Variants in TMTC1 observed in about 807,000 individuals in gnomAD.
TMTC1 encodes the protein protein O-mannosyl-transferase TMTC1.
TMTC1 carries 73 observed loss-of-function variants against 104.8 expected under a neutral mutation model. The observed-to-expected ratio is 0.70, with a 90% CI of 0.58 to 0.85. The LOEUF is 0.85. Among genes scored for constraint, TMTC1 ranks in the 40% least tolerant of loss-of-function variants. TMTC1 has a pLI of 0.00. For missense variants in TMTC1, 1,035 were observed against 1,096.1 expected (o/e 0.94, Z 0.79); for synonymous variants, 434 against 428.7 (o/e 1.01, Z -0.15).
At chr12:29,616,702 G>A (rs550593330) in intron 6 of TMTC1, among the ~76,000 whole-genome samples, 9 of 148,222 alleles carry the variant, frequency 6.1e-5, no homozygotes, top group Non-Finnish European at 1.3e-4. Context: ...ATTTTCTGCT[G>A]TTCAGCCCTT....
chr12:29,526,695 C>T (rs879496492), intron 11 of TMTC1, among the ~76,000 whole-genome samples: 41 of 152,070 alleles, frequency 2.7e-4, no homozygotes, highest in Non-Finnish European at 5.1e-4. Context: ...TAGGATTTTA[C>T]TTCTTTATCA....
At chr12:29,694,253 T>G (rs11050386) in intron 5 of TMTC1, among the ~76,000 whole-genome samples, 4,891 of 152,284 alleles carry the variant, frequency 0.032, 284 homozygotes, top group African/African-American at 0.11. Flanking sequence ...ATTTGCATCA[T>G]TAACACATAA....
intron 7 of TMTC1, among the ~76,000 whole-genome samples, chr12:29,586,806 GC>G (rs1565690123): frequency 1.3e-5 from 2 of 150,100 alleles, no homozygotes; most frequent in African/African-American, 5.0e-5. Flanking sequence ...TGGTGGATAA[GC>G]TTTTTGATGT....
Position 29,506,721 on chromosome 12 carries a change from C to T in TMTC1, c.*125G>A, listed in dbSNP as rs1592140913. ...TACCAGCAGATGTCCCAAAATGTGT[C>T]ACCCTGAACTCGGAATGAGAGAAAA... On this transcript the variant is annotated 3_prime_UTR_variant, in exon 18 of 18. Transcript: ENST00000539277. The T allele has an allele frequency of 7.9e-7, 1 of 1,263,270 alleles. No homozygotes were observed. Among genetic ancestry groups the T allele is most frequent in the African/African-American group, 1.5e-5 (1 of 67,584 alleles). The allele number at this position is 1,263,270 out of a possible 1,614,324, so 78.3% of individuals were successfully genotyped here.
At chr12:29,553,760 T>C (rs541922557) in intron 10 of TMTC1, among the ~76,000 whole-genome samples, 1 of 152,326 alleles carries the variant, frequency 6.6e-6, no homozygotes, top group East Asian at 1.9e-4. Context: ...AATGCATTTT[T>C]AACTCACATG....
chr12:29,603,818 A>T (rs1272349202), intron 7 of TMTC1, among the ~76,000 whole-genome samples: 1 of 152,244 alleles, frequency 6.6e-6, no homozygotes, highest in Non-Finnish European at 1.5e-5. Flanking sequence ...TGAACATAAT[A>T]CTTTTATGCA....
intron 5 of TMTC1, among the ~76,000 whole-genome samples, chr12:29,646,630 A>G (rs1939278761): frequency 6.6e-6 from 1 of 152,168 alleles, no homozygotes; most frequent in Non-Finnish European, 1.5e-5. Flanking sequence ...CTTGTGACAA[A>G]TTAAATAAAT....
chr12:29,716,002 T>C (rs1045286424), intron 5 of TMTC1, among the ~76,000 whole-genome samples: 2 of 144,372 alleles, frequency 1.4e-5, no homozygotes, highest in African/African-American at 5.3e-5. Flanking sequence ...ATTATTATTA[T>C]TATTATTATT....
At chr12:29,597,584 C>T (rs1007726657) in intron 7 of TMTC1, among the ~76,000 whole-genome samples, 13 of 151,240 alleles carry the variant, frequency 8.6e-5, no homozygotes, top group South Asian at 2.1e-4. Context: ...CTGGCCCATC[C>T]TACTGAATCT....
chr12:29,536,026 T>C (rs299455), intron 11 of TMTC1, 183 bp downstream of exon 11: 449,172 of 577,966 alleles, frequency 0.78, 175,766 homozygotes, highest in African/African-American at 0.85. Flanking sequence ...AAGCGACCTG[T>C]GATACACAGA....
chr12:29,701,055 C>T (rs1941576783), intron 5 of TMTC1, among the ~76,000 whole-genome samples: 1 of 150,544 alleles, frequency 6.6e-6, no homozygotes, highest in African/African-American at 2.5e-5. Flanking sequence ...GAGATTCTTC[C>T]CTCTGTCCTC....
intron 5 of TMTC1, among the ~76,000 whole-genome samples, chr12:29,736,095 G>T (rs954946063): frequency 2.0e-5 from 3 of 151,994 alleles, no homozygotes; most frequent in Non-Finnish European, 4.4e-5. Flanking sequence ...GATTAACTAA[G>T]GGTGAAGCAT....
At chr12:29,740,836 T>TA (rs1942805769) in intron 5 of TMTC1, among the ~76,000 whole-genome samples, 1 of 152,156 alleles carries the variant, frequency 6.6e-6, no homozygotes, top group Non-Finnish European at 1.5e-5. Context: ...GCGACAGAGA[T>TA]ACTATGAAGC....
At chr12:29,536,188 A>C in intron 11 of TMTC1, 21 bp downstream of exon 11, 4 of 1,474,810 alleles carry the variant, frequency 2.7e-6, no homozygotes, top group East Asian at 4.5e-5. Context: ...ATTGAAAAAA[A>C]CTACTGTGTG....
At chr12:29,598,648 G>C (rs1946475578) in intron 7 of TMTC1, among the ~76,000 whole-genome samples, 1 of 151,834 alleles carries the variant, frequency 6.6e-6, no homozygotes, top group South Asian at 2.1e-4. Flanking sequence ...TCAGTGTAGA[G>C]ATCTTTTACT....
intron 5 of TMTC1, among the ~76,000 whole-genome samples, chr12:29,705,286 T>A (rs1170563220): frequency 6.6e-6 from 1 of 152,214 alleles, no homozygotes; most frequent in Non-Finnish European, 1.5e-5. Context: ...CAGTTTCTAG[T>A]GTAAGAGACT....
chr12:29,506,557 T>C lies in TMTC1; in HGVS notation c.*289A>G, dbSNP rs779581151. The C allele has an allele frequency of 5.7e-6, 2 of 353,108 alleles. No individual in the cohort carries two copies. Among genetic ancestry groups the C allele is most frequent in the Non-Finnish European group, 1.1e-5 (2 of 190,086 alleles). The allele number at this position is 353,108 out of a possible 1,614,324, so 21.9% of individuals were successfully genotyped here. A position where few individuals can be genotyped will look rare whatever the true frequency, so the allele number is the denominator to read the frequency against. On this transcript the variant is annotated 3_prime_UTR_variant, in exon 18 of 18. Transcript: ENST00000539277. The stretch of plus-strand genomic sequence containing the variant: ...TCCAGGTCTCAAAAGCACAGAGATA[T>C]ATCAAGAGAAATCTGGAGTTAAACC...
intron 17 of TMTC1, among the ~76,000 whole-genome samples, chr12:29,507,554 T>C (rs1311292740): frequency 2.0e-5 from 3 of 152,262 alleles, no homozygotes; most frequent in African/African-American, 4.8e-5. Context: ...AATTTTTTAC[T>C]ACTGCAGGTT....
chr12:29,520,957 G>A lies in TMTC1; in HGVS notation c.1786-237C>T, dbSNP rs1275223678. 2.5e-5 allele frequency: 11 copies of A among 442,668 alleles called. No homozygotes were observed. The Admixed American group carries it at 2.7e-4, about 11-fold the overall frequency. 27.4% of individuals were successfully genotyped at this position (442,668 alleles called of 1,614,324 possible). ...GTTCCCTTAGGGCGAAAAAGATGAT[G>A]TTTTCTCAAATGGGACCTTTGGAAG... On this transcript the variant is annotated intron_variant, in intron 11 of 17. Coordinates refer to ENST00000539277, the MANE Select transcript of TMTC1 (RefSeq NM_001193451.2).
Sources: gnomAD v4.1 joint callset for allele counts (sites outside exome capture counted in the v4.1 genomes callset) on GRCh38, gnomAD v4.1.1 for gene constraint, MANE v1.5 for transcripts, NCBI Gene and HGNC (gene_info 2026-07-23, HGNC 2026-07-21) for gene names.